Variants in MYSM1 observed in about 807,000 individuals in gnomAD.
The protein encoded by MYSM1 is deubiquitinase MYSM1.
Under a neutral mutation model 116.0 loss-of-function variants are expected in MYSM1, and 51 were observed. The ratio of observed to expected loss-of-function variants is 0.44; its 90% CI spans 0.35 to 0.56. The LOEUF (loss-of-function observed/expected upper bound fraction) is 0.56, where lower values mean the gene tolerates loss of function less well. MYSM1 is among the 20% of genes least tolerant of loss of function. The pLI is 0.00. For synonymous variants in MYSM1, 313 were observed against 315.2 expected, an observed-to-expected ratio of 0.99 and a Z score of 0.07; for missense variants, 900 against 974.9, an observed-to-expected ratio of 0.92 and a Z score of 1.02.
chr1:58,659,884 AAT>A lies in MYSM1; in HGVS notation c.*111_*112del. On this transcript the variant is annotated 3_prime_UTR_variant, in exon 20 of 20. Transcript: ENST00000472487. ...ATGTGGCAAAGTTTGGATTTTGTGA[AAT>A]AGAGAAAAAATACCAAAGCTGTGCC... 2 of 737,352 alleles carry A rather than the reference AAT, an allele frequency of 2.7e-6. No homozygotes were observed. The highest frequency in any genetic ancestry group is 4.1e-6 in the Non-Finnish European group (2 of 484,216). The allele number at this position is 737,352 out of a possible 1,614,324, so 45.7% of individuals were successfully genotyped here.
In MYSM1 at chr1:58,669,855, A is replaced by AC. The variant is rs1183195603; in HGVS notation, c.1662-818_1662-817insG. Among the ~76,000 whole-genome samples the AC allele has an allele frequency of 3.3e-5, 5 of 149,600 alleles. 1 individual carries two copies. Among genetic ancestry groups the AC allele is most frequent in the Admixed American group, 6.7e-5 (1 of 14,838 alleles). ...TGTCTCCAAAAAAAAAAAAAAAAAA[A>AC]AAAAAAACAAAAAAGTGAAAAAGTA... is the stretch of plus-strand genomic sequence containing the variant. On this transcript the variant is annotated intron_variant, in intron 12 of 19. Transcript: ENST00000472487.
At chr1:58,668,554 C>A (rs1644507953) in intron 14 of MYSM1, 78 bp downstream of exon 14, 1 of 1,488,556 alleles carries the variant, frequency 6.7e-7, no homozygotes, top group Non-Finnish European at 8.9e-7. Flanking sequence ...GTCTTCCATA[C>A]TCTGTCTTAC....
In MYSM1 at chr1:58,682,320, T is replaced by C. The variant is rs1266285839; in HGVS notation, c.724A>G (p.Ser242Gly). The C allele has an allele frequency of 3.7e-5, 59 of 1,613,688 alleles. No individual in the cohort carries two copies. The highest frequency in any genetic ancestry group is 4.9e-5 in the Non-Finnish European group (58 of 1,179,764). The stretch of plus-strand genomic sequence containing the variant: ...GGAAAGTCTAACAAGAGATCACTGC[T>C]AGAATTCTTCTGGGGTGTTTGAGAA... The part of the protein sequence containing the change: ...LSSQTPQKNS[S>G]SDLLLDFPNS... Residue 242 changes from serine (S) to glycine (G), a missense_variant, in exon 8 of 20, where the codon AGC becomes GGC. Transcript: ENST00000472487.
intron 18 of MYSM1, 70 bp downstream of exon 18, chr1:58,661,336 G>T: frequency 7.4e-7 from 1 of 1,346,090 alleles, no homozygotes; most frequent in Admixed American, 1.7e-5. Flanking sequence ...ATTTAACTTG[G>T]GTTTTCTCTG....
chr1:58,656,786 C>CAGTACCTA lies in MYSM1; in HGVS notation c.*3203_*3210dup, dbSNP rs1482433284. 1 of 152,160 alleles carries CAGTACCTA rather than the reference C, an allele frequency of 6.6e-6. No individual in the cohort carries two copies. Among genetic ancestry groups the CAGTACCTA allele is most frequent in the African/African-American group, 2.4e-5 (1 of 41,436 alleles). The allele number at this position is 152,160 out of a possible 1,614,324, so 9.4% of individuals were successfully genotyped here. ...GCAATGCCAACTTATCCATTAGGCA[C>CAGTACCTA]AGTACCTAAGGCCCACAGTTTTTTA... On this transcript the variant is annotated 3_prime_UTR_variant, in exon 20 of 20. Transcript: ENST00000472487.
At chr1:58,695,851 T>TG (rs1348071757) in intron 1 of MYSM1, among the ~76,000 whole-genome samples, 1 of 152,232 alleles carries the variant, frequency 6.6e-6, no homozygotes, top group Non-Finnish European at 1.5e-5. Context: ...ATTAAGCTCC[T>TG]AAGAGCTCTT....
chr1:58,694,728 G>T (rs1345972180), intron 2 of MYSM1, among the ~76,000 whole-genome samples: 2 of 151,920 alleles, frequency 1.3e-5, no homozygotes, highest in Non-Finnish European at 2.9e-5. Context: ...GAGAGCAGTG[G>T]CACAATCAGA....
chr1:58,671,731 C>CAA, intron 12 of MYSM1, 139 bp downstream of exon 12: 3 of 635,834 alleles, frequency 4.7e-6, no homozygotes, highest in Non-Finnish European at 7.8e-6. Flanking sequence ...ATCAGTGAAA[C>CAA]AAAAAAAATC....
chr1:58,683,689 T>C (rs1644782260), intron 7 of MYSM1, among the ~76,000 whole-genome samples: 1 of 152,232 alleles, frequency 6.6e-6, no homozygotes, highest in Non-Finnish European at 1.5e-5. Flanking sequence ...AAACAGGTTA[T>C]TTATAGATCC....
intron 12 of MYSM1, among the ~76,000 whole-genome samples, chr1:58,669,712 C>T (rs1008410782): frequency 1.3e-5 from 2 of 151,614 alleles, no homozygotes; most frequent in African/African-American, 4.8e-5. Context: ...CCTGTAGTCC[C>T]AGCCACTCGG....
At chr1:58,673,680 T>C (rs1460611770) in intron 10 of MYSM1, 30 bp from the exon 11 acceptor site, 1 of 1,575,552 alleles carries the variant, frequency 6.3e-7, no homozygotes, top group Non-Finnish European at 8.7e-7. Flanking sequence ...AAGCAAAAGG[T>C]AGCAAGATTA....
At chr1:58,668,530 G>A in intron 14 of MYSM1, 102 bp downstream of exon 14, 3 of 1,425,610 alleles carry the variant, frequency 2.1e-6, no homozygotes, top group Non-Finnish European at 2.7e-6. Context: ...GGACAGTTAA[G>A]ATCCAAAATA....
Position 58,692,846 on chromosome 1 carries a change from A to T in MYSM1, c.218+15T>A. The T allele has an allele frequency of 6.3e-7, 1 of 1,588,326 alleles. No homozygotes were observed. The highest frequency in any genetic ancestry group is 8.6e-7 in the Non-Finnish European group (1 of 1,169,078). On this transcript the variant is annotated intron_variant, in intron 3 of 19. Coordinates refer to ENST00000472487, the MANE Select transcript of MYSM1 (RefSeq NM_001085487.3). ...CCCTGAAACCTGTACTTTCCTCATA[A>T]TCATTAAAGGATACTCTTCTTCCAA...
Position 58,659,392 on chromosome 1 carries a change from A to G in MYSM1, c.*605T>C, listed in dbSNP as rs1056987886. ...TATCTTATGATACTACTGCTATACA[A>G]TGAAATGGAAGATAGTATCTATGAT... On this transcript the variant is annotated 3_prime_UTR_variant, in exon 20 of 20. Transcript: ENST00000472487. 6.6e-6 allele frequency: 1 copy of G among 152,200 alleles called. No individual in the cohort carries two copies. Among genetic ancestry groups the G allele is most frequent in the African/African-American group, 2.4e-5 (1 of 41,460 alleles). The allele number at this position is 152,200 out of a possible 1,614,324, so 9.4% of individuals were successfully genotyped here. A position where few individuals can be genotyped will look rare whatever the true frequency, so the allele number is the denominator to read the frequency against.
At chr1:58,691,083 T>C (rs1463687822) in intron 3 of MYSM1, among the ~76,000 whole-genome samples, 1 of 151,574 alleles carries the variant, frequency 6.6e-6, no homozygotes, top group Admixed American at 6.6e-5. Context: ...ATCGAGACCA[T>C]CCTGGCTAAC....
intron 12 of MYSM1, 110 bp from the exon 13 acceptor site, chr1:58,669,148 A>G: frequency 1.4e-6 from 1 of 721,314 alleles, no homozygotes; most frequent in East Asian, 3.1e-5. Context: ...TTCTGTCTAA[A>G]TGAGAGAGTT....
rs370673931 is a variant in MYSM1, at chr1:58,665,685, A to G, written c.2032-54T>C. The G allele has an allele frequency of 9.3e-4, 1,095 of 1,177,206 alleles. 18 individuals are homozygous for G. The South Asian group carries it at 0.015, about 16-fold the overall frequency. 72.9% of individuals were successfully genotyped at this position (1,177,206 alleles called of 1,614,324 possible). A position where few individuals can be genotyped will look rare whatever the true frequency, so the allele number is the denominator to read the frequency against. ...TTCAACTATATAAATTCAAAAGCCA[A>G]TATTTATCCATACTAACATTTTAAA... On this transcript the variant is annotated intron_variant, in intron 16 of 19. Coordinates refer to ENST00000472487, the MANE Select transcript of MYSM1 (RefSeq NM_001085487.3).
At chr1:58,685,115 A>G in intron 7 of MYSM1, 38 bp downstream of exon 7, 1 of 1,476,114 alleles carries the variant, frequency 6.8e-7, no homozygotes, top group Non-Finnish European at 9.1e-7. Flanking sequence ...TTTTCTAAAT[A>G]TTATCATTAT....
intron 13 of MYSM1, 70 bp from the exon 14 acceptor site, chr1:58,668,752 T>C: frequency 7.3e-7 from 1 of 1,368,580 alleles, no homozygotes; most frequent in Non-Finnish European, 1.0e-6. Flanking sequence ...CCACCTGGAA[T>C]GCCCACCCTG....
Sources: gnomAD v4.1 joint callset for allele counts (sites outside exome capture counted in the v4.1 genomes callset) on GRCh38, gnomAD v4.1.1 for gene constraint, MANE v1.5 for transcripts, NCBI Gene and HGNC (gene_info 2026-07-23, HGNC 2026-07-21) for gene names.